CACHD1: variants seen among roughly 807,000 people sequenced by gnomAD.
CACHD1 encodes cache domain containing 1, also known as VWFA and cache domain-containing protein 1.
CACHD1 carries 71 observed loss-of-function variants against 138.7 expected under a neutral mutation model. The ratio of observed to expected loss-of-function variants is 0.51; its 90% CI spans 0.42 to 0.62. The LOEUF (loss-of-function observed/expected upper bound fraction) is 0.62. Ranked by LOEUF, CACHD1 falls within the 20% of genes least tolerant of loss-of-function variation. CACHD1 has a pLI of 0.00. For synonymous variants in CACHD1, 578 were observed against 591.5 expected, an observed-to-expected ratio of 0.98 and a Z score of 0.33; for missense variants, 1,389 against 1,625.3, an observed-to-expected ratio of 0.85 and a Z score of 2.50.
intron 4 of CACHD1, among the ~76,000 whole-genome samples, chr1:64,615,167 A>G (rs775722270): frequency 6.6e-6 from 1 of 152,190 alleles, no homozygotes; most frequent in Non-Finnish European, 1.5e-5. Context: ...CATGTAAAAC[A>G]TTGCTTATTC....
chr1:64,473,652 A>G (rs1646158632), intron 1 of CACHD1, among the ~76,000 whole-genome samples: 1 of 152,142 alleles, frequency 6.6e-6, no homozygotes, highest in Admixed American at 6.5e-5. Flanking sequence ...CTTTCATTTG[A>G]CCTTGGCATT....
intron 17 of CACHD1, among the ~76,000 whole-genome samples, chr1:64,672,555 A>G (rs1398595371): frequency 6.6e-6 from 1 of 152,174 alleles, no homozygotes; most frequent in African/African-American, 2.4e-5. Context: ...GGCCTAATTT[A>G]TAAATTAAAC....
chr1:64,653,509 A>G (rs1462187948), intron 10 of CACHD1, among the ~76,000 whole-genome samples: 1 of 152,186 alleles, frequency 6.6e-6, no homozygotes, highest in Non-Finnish European at 1.5e-5. Flanking sequence ...ATAAAACAAC[A>G]AAACAACCAA....
At chr1:64,620,512 C>G (rs1647874014) in intron 4 of CACHD1, among the ~76,000 whole-genome samples, 1 of 152,108 alleles carries the variant, frequency 6.6e-6, no homozygotes, top group Non-Finnish European at 1.5e-5. Context: ...TTTAATTGAT[C>G]TCTAATTCAA....
intron 1 of CACHD1, among the ~76,000 whole-genome samples, chr1:64,499,322 C>T (rs1195667702): frequency 6.6e-6 from 1 of 152,180 alleles, no homozygotes; most frequent in Non-Finnish European, 1.5e-5. Context: ...TGGAACAATA[C>T]GCTTCCTTAG....
chr1:64,666,059 A>G lies in CACHD1; in HGVS notation c.2279A>G (p.Tyr760Cys). The G allele has an allele frequency of 6.4e-7, 1 of 1,559,360 alleles. No homozygotes were observed. Among genetic ancestry groups the G allele is most frequent in the Middle Eastern group, 1.7e-4 (1 of 5,910 alleles). The change falls in exon 16 of 27, where the codon TAT becomes TGT. Residue 760 changes from tyrosine to cysteine, a missense_variant and splice_region_variant. Physicochemically the swap from Tyr to Cys is radical, Grantham distance 194 (BLOSUM62 -2). Transcript: ENST00000651257. ...KAFDPTRRQWYLHAVANPGLI... is the reference protein window; with the variant it reads ...KAFDPTRRQWCLHAVANPGLI... The stretch of plus-strand genomic sequence containing the variant: ...TGACTTTCTTTGGTCTCCATTAGGT[A>G]TCTCCATGCAGTAGCTAATCCAGGG...
chr1:64,570,763 T>C (rs1163751465), intron 2 of CACHD1, among the ~76,000 whole-genome samples: 1 of 151,954 alleles, frequency 6.6e-6, no homozygotes, highest in East Asian at 1.9e-4. Flanking sequence ...TGGAAACCCA[T>C]ACGGGAAACA....
At chr1:64,546,172 G>T (rs1646716719) in intron 1 of CACHD1, among the ~76,000 whole-genome samples, 1 of 152,152 alleles carries the variant, frequency 6.6e-6, no homozygotes, top group African/African-American at 2.4e-5. Flanking sequence ...GATTCCTTTA[G>T]CCCTCCGGGG....
At chr1:64,665,739 G>A (rs868742047) in intron 15 of CACHD1, among the ~76,000 whole-genome samples, 3 of 152,050 alleles carry the variant, frequency 2.0e-5, no homozygotes, top group Non-Finnish European at 4.4e-5. Flanking sequence ...TGACTTGGCC[G>A]GGTGCGGTGA....
intron 1 of CACHD1, among the ~76,000 whole-genome samples, chr1:64,541,222 C>T (rs1249835603): frequency 6.6e-6 from 1 of 152,206 alleles, no homozygotes; most frequent in Non-Finnish European, 1.5e-5. Flanking sequence ...ATACACAATG[C>T]TTATTCATGC....
chr1:64,501,816 A>C (rs1398272908), intron 1 of CACHD1, among the ~76,000 whole-genome samples: 1 of 152,236 alleles, frequency 6.6e-6, no homozygotes, highest in Non-Finnish European at 1.5e-5. Flanking sequence ...TCTCACTTTG[A>C]ATAAAACACA....
At chr1:64,538,588 A>G (rs970358117) in intron 1 of CACHD1, among the ~76,000 whole-genome samples, 2 of 152,184 alleles carry the variant, frequency 1.3e-5, no homozygotes, top group Admixed American at 1.3e-4. Flanking sequence ...GAGGAGGCTA[A>G]ATGACTTCAC....
intron 26 of CACHD1, among the ~76,000 whole-genome samples, chr1:64,688,800 C>T (rs1221161855): frequency 2.0e-5 from 3 of 152,068 alleles, no homozygotes; most frequent in African/African-American, 7.2e-5. Context: ...TCACCATTCC[C>T]AGAAGCCACC....
rs1035054813 is a variant in CACHD1, at chr1:64,692,614, A to G, written c.*1053A>G. 6 of 152,116 alleles carry G rather than the reference A, an allele frequency of 3.9e-5. No individual in the cohort carries two copies. The highest frequency in any genetic ancestry group is 1.2e-4 in the African/African-American group (5 of 41,388). 9.4% of individuals were successfully genotyped at this position (152,116 alleles called of 1,614,324 possible). On this transcript the variant is annotated 3_prime_UTR_variant, in exon 27 of 27. Coordinates refer to ENST00000651257, the MANE Select transcript of CACHD1 (RefSeq NM_020925.4). Reference sequence around the variant, plus strand: ...AAGGGAAGAAGTTTTCTAAATTGTGAAAGTCTGGTTCTTAATTAAAGAATT... The same window carrying G: ...AAGGGAAGAAGTTTTCTAAATTGTGGAAGTCTGGTTCTTAATTAAAGAATT...
rs151233133 is a variant in CACHD1, at chr1:64,679,686, G to A, written c.3336G>A (p.Leu1112=). Residue 1112 remains leucine, a synonymous_variant, in exon 24 of 27, where the codon CTG becomes CTA. Coordinates refer to ENST00000651257, the MANE Select transcript of CACHD1 (RefSeq NM_020925.4). ...GIMGCIMVLV[L]AVYAYRHQIH... ...TGGGATGCATCATGGTCTTGGTCCT[G>A]GCGGTGTATGCCTACCGCCACCAGA... The A allele has an allele frequency of 3.2e-3, 5,161 of 1,614,178 alleles. 10 individuals carry two copies. The highest frequency in any genetic ancestry group is 3.9e-3 in the Non-Finnish European group (4,648 of 1,180,022).
intron 3 of CACHD1, among the ~76,000 whole-genome samples, chr1:64,602,213 A>G (rs1647222812): frequency 6.6e-6 from 1 of 152,214 alleles, no homozygotes; most frequent in South Asian, 2.1e-4. Context: ...TATAAGAGGA[A>G]CTTCCATACA....
intron 12 of CACHD1, among the ~76,000 whole-genome samples, chr1:64,655,775 A>G (rs886704778): frequency 2.6e-5 from 4 of 152,206 alleles, no homozygotes; most frequent in Non-Finnish European, 5.9e-5. Context: ...CCTAAATACT[A>G]TAACTGACCA....
At position 64,563,279 on chromosome 1, in the gene CACHD1, C is replaced by T. The variant is rs145856621; in HGVS notation, c.261+12623C>T. ...TTTGATGTTTTATTTCTCCAAATAT[C>T]TGCTGGGACATTGTAAAGGAGAAGC... On this transcript the variant is annotated intron_variant, in intron 2 of 26. Transcript: ENST00000651257. Among the ~76,000 whole-genome samples the T allele has an allele frequency of 1.1e-3, 169 of 152,080 alleles. 1 individual carries two copies. Among genetic ancestry groups the T allele is most frequent in the African/African-American group, 4.0e-3 (164 of 41,490 alleles).
intron 4 of CACHD1, among the ~76,000 whole-genome samples, chr1:64,626,681 A>G (rs1212478627): frequency 6.6e-6 from 1 of 152,154 alleles, no homozygotes; most frequent in Non-Finnish European, 1.5e-5. Context: ...TTTTCAAGGT[A>G]CATACCCAAA....
Sources: allele counts gnomAD v4.1 joint callset (sites outside exome capture counted in the v4.1 genomes callset), GRCh38; gene constraint gnomAD v4.1.1; transcripts MANE v1.5; gene names NCBI Gene and HGNC (gene_info 2026-07-23, HGNC 2026-07-21).